The following PRKN variants were observed in gnomAD, a reference collection of about 807,000 sequenced individuals.
The protein encoded by PRKN is parkin RBR E3 ubiquitin protein ligase, also known as E3 ubiquitin-protein ligase parkin.
PRKN carries 56 observed loss-of-function variants against 59.5 expected under a neutral mutation model. The observed-to-expected ratio is 0.94, with a 90% CI of 0.76 to 1.18. The LOEUF is 1.18. Ranked by LOEUF, PRKN falls within the 50% of genes most tolerant of loss-of-function variation. The pLI is 0.00. For missense variants in PRKN, 657 were observed against 596.4 expected, an observed-to-expected ratio of 1.10 and a Z score of -1.06; for synonymous variants, 250 against 222.1, an observed-to-expected ratio of 1.13 and a Z score of -1.12.
chr6:162,654,371 T>G (rs937788007), intron 1 of PRKN, among the ~76,000 whole-genome samples: 1 of 152,208 alleles, frequency 6.6e-6, no homozygotes, highest in African/African-American at 2.4e-5. Flanking sequence ...GAGATTAAGT[T>G]ATTTGCATAA....
intron 8 of PRKN, among the ~76,000 whole-genome samples, chr6:161,564,678 G>C (rs1211062486): frequency 6.6e-6 from 1 of 152,042 alleles, no homozygotes; most frequent in African/African-American, 2.4e-5. Context: ...CAACCCATCA[G>C]CCTACACCAT....
At chr6:162,228,805 T>A (rs541065244) in intron 3 of PRKN, among the ~76,000 whole-genome samples, 1 of 152,282 alleles carries the variant, frequency 6.6e-6, no homozygotes, top group South Asian at 2.1e-4. Flanking sequence ...TAAATAGAGC[T>A]CCAATCTTGC....
chr6:162,301,778 CGGGGCG>C (rs1781964318), intron 2 of PRKN, among the ~76,000 whole-genome samples: 2 of 62,918 alleles, frequency 3.2e-5, no homozygotes, highest in African/African-American at 6.4e-5. Context: ...ATAAATTGGC[CGGGGCG>C]GGGGGGGGGT....
At chr6:161,729,224 T>C (rs546906431) in intron 7 of PRKN, among the ~76,000 whole-genome samples, 1 of 152,336 alleles carries the variant, frequency 6.6e-6, no homozygotes, top group South Asian at 2.1e-4. Flanking sequence ...TATACTCTCC[T>C]ATATGCTTAG....
chr6:162,630,618 A>G (rs1239153701), intron 1 of PRKN, among the ~76,000 whole-genome samples: 1 of 152,134 alleles, frequency 6.6e-6, no homozygotes, highest in African/African-American at 2.4e-5. Context: ...AATCTTGTAT[A>G]CAGCATTCAC....
chr6:162,672,685 A>AGTGT lies in PRKN; in HGVS notation c.7+54973_7+54976dup, dbSNP rs56722608. On this transcript the variant is annotated intron_variant, in intron 1 of 11. Transcript: ENST00000366898. ...TCATTATAGAAAGTTTTGGGGGAAA[A>AGTGT]GTGTGTGTGTGTGTGTGTGTGTGTG... Among the ~76,000 whole-genome samples the AGTGT allele has an allele frequency of 1.7e-3, 251 of 149,170 alleles. 1 individual carries two copies. Among genetic ancestry groups the AGTGT allele is most frequent in the East Asian group, 6.5e-3 (33 of 5,058 alleles).
At chr6:161,482,373 T>C (rs1376896993) in intron 9 of PRKN, among the ~76,000 whole-genome samples, 1 of 152,136 alleles carries the variant, frequency 6.6e-6, no homozygotes, top group Non-Finnish European at 1.5e-5. Context: ...ATCAAAACAA[T>C]CTCCCTCAGG....
At chr6:162,551,888 T>TG (rs981201381) in intron 1 of PRKN, among the ~76,000 whole-genome samples, 3 of 152,212 alleles carry the variant, frequency 2.0e-5, no homozygotes, top group Admixed American at 2.0e-4. Context: ...TGATGAGACT[T>TG]GGAGTCTAGT....
chr6:162,021,133 TA>T (rs1783141999), intron 5 of PRKN, among the ~76,000 whole-genome samples: 2 of 4,564 alleles, frequency 4.4e-4, no homozygotes, highest in South Asian at 6.2e-3. Flanking sequence ...TATATATATA[TA>T]TATATATATA....
chr6:161,570,374 A>C (rs181448963), intron 7 of PRKN, among the ~76,000 whole-genome samples: 67 of 147,888 alleles, frequency 4.5e-4, no homozygotes, highest in Non-Finnish European at 2.7e-4. Flanking sequence ...ATATATAATA[A>C]ATATTCTATG....
At chr6:161,424,559 T>C (rs569969066) in intron 9 of PRKN, among the ~76,000 whole-genome samples, 2 of 152,078 alleles carry the variant, frequency 1.3e-5, no homozygotes, top group East Asian at 3.9e-4. Context: ...GACCACTGAG[T>C]TGGGTTTCAG....
chr6:162,354,070 G>A (rs747588613), intron 2 of PRKN, among the ~76,000 whole-genome samples: 1 of 152,090 alleles, frequency 6.6e-6, no homozygotes, highest in Non-Finnish European at 1.5e-5. Context: ...CATATGAAAT[G>A]GGTGTATTTG....
intron 1 of PRKN, among the ~76,000 whole-genome samples, chr6:162,473,642 T>C (rs1445019815): frequency 6.6e-6 from 1 of 152,222 alleles, no homozygotes; most frequent in Non-Finnish European, 1.5e-5. Context: ...GAGGTATTAA[T>C]AAGATAGTGG....
Position 161,636,289 on chromosome 6 carries a change from G to A in PRKN, c.872-66873C>T, listed in dbSNP as rs191342241. Among the ~76,000 whole-genome samples, 8 of 152,366 alleles carry A rather than the reference G, an allele frequency of 5.3e-5. No individual in the cohort carries two copies. The East Asian group carries it at 1.5e-3, about 29-fold the overall frequency. On this transcript the variant is annotated intron_variant, in intron 7 of 11. Coordinates refer to ENST00000366898, the MANE Select transcript of PRKN (RefSeq NM_004562.3). ...ATGTGCATATTTGTCTCCCAGCCCT[G>A]ATTTGTGGGCAGGAGGCTCAGAGAA...
At chr6:162,149,824 G>A (rs904160386) in intron 4 of PRKN, among the ~76,000 whole-genome samples, 7 of 152,172 alleles carry the variant, frequency 4.6e-5, no homozygotes, top group Non-Finnish European at 8.8e-5. Flanking sequence ...GTCAAGAGAC[G>A]GAAAGAGGGT....
At chr6:161,825,609 G>C (rs113681362) in intron 6 of PRKN, among the ~76,000 whole-genome samples, 1 of 152,096 alleles carries the variant, frequency 6.6e-6, no homozygotes, top group Admixed American at 6.5e-5. Flanking sequence ...TGGAGCTTCC[G>C]CTCTACTCCC....
At chr6:162,170,679 A>C (rs951494669) in intron 4 of PRKN, among the ~76,000 whole-genome samples, 2 of 152,160 alleles carry the variant, frequency 1.3e-5, no homozygotes, top group Non-Finnish European at 2.9e-5. Context: ...GGTCATTCTG[A>C]AGCATTTTTA....
At position 162,246,335 on chromosome 6, in the gene PRKN, T is replaced by TGTAC. The variant is rs1018407929; in HGVS notation, c.412+16186_412+16189dup. Among the ~76,000 whole-genome samples the TGTAC allele has an allele frequency of 1.1e-4, 17 of 152,296 alleles. 1 individual carries two copies. Among genetic ancestry groups the TGTAC allele is most frequent in the African/African-American group, 4.1e-4 (17 of 41,578 alleles). ...AGAGGAAACGGAGAAGACGGCCATC[T>TGTAC]GTACACCAAAGAGACATGCCTAGAA... is the stretch of plus-strand genomic sequence containing the variant. On this transcript the variant is annotated intron_variant, in intron 3 of 11. Coordinates refer to ENST00000366898, the MANE Select transcript of PRKN (RefSeq NM_004562.3).
chr6:162,389,647 T>C (rs939142794), intron 2 of PRKN, among the ~76,000 whole-genome samples: 1 of 152,366 alleles, frequency 6.6e-6, no homozygotes, highest in Non-Finnish European at 1.5e-5. Context: ...AATTTGCTAC[T>C]AATATCTGTA....
Sources: gnomAD v4.1 joint callset for allele counts (sites outside exome capture counted in the v4.1 genomes callset) on GRCh38, gnomAD v4.1.1 for gene constraint, MANE v1.5 for transcripts, NCBI Gene and HGNC (gene_info 2026-07-23, HGNC 2026-07-21) for gene names.